DENND1A: variants seen among roughly 807,000 people sequenced by gnomAD.
DENND1A encodes the protein DENN domain containing 1A.
Under a neutral mutation model 113.7 loss-of-function variants are expected in DENND1A, and 51 were observed. That is an observed-to-expected ratio of 0.45 (90% confidence interval 0.36 to 0.57). The LOEUF is 0.57. Among genes scored for constraint, DENND1A ranks in the 20% least tolerant of loss-of-function variants. The probability of loss-of-function intolerance (pLI) is 0.00; values close to 1 mark genes in which losing one functional copy is unlikely to be tolerated. For synonymous variants in DENND1A, 565 were observed against 570.8 expected, an observed-to-expected ratio of 0.99 and a Z score of 0.14; for missense variants, 1,258 against 1,395.9, an observed-to-expected ratio of 0.90 and a Z score of 1.57.
At position 123,835,112 on chromosome 9, in the gene DENND1A, A is replaced by G. The variant is rs112109331; in HGVS notation, c.89-42482T>C. ...TCTAAAATAACTTGCTTTAGAGGGGAAAAAAAAAAAAAAAAGCAAATGTCT... is the reference window on the plus strand; with the variant it reads ...TCTAAAATAACTTGCTTTAGAGGGGGAAAAAAAAAAAAAAAGCAAATGTCT... On this transcript the variant is annotated intron_variant, in intron 2 of 23. Transcript: ENST00000394215. 7.8e-4 allele frequency among the ~76,000 whole-genome samples: 99 copies of G among 127,394 alleles called. 1 individual carries two copies. The highest frequency in any genetic ancestry group is 1.7e-3 in the Admixed American group (21 of 12,502). The allele number at this position is 127,394 out of a possible 152,430, so 83.6% of individuals were successfully genotyped here.
intron 13 of DENND1A, among the ~76,000 whole-genome samples, chr9:123,477,838 G>C (rs188179614): frequency 7.9e-5 from 12 of 152,142 alleles, no homozygotes; most frequent in Admixed American, 5.2e-4. Context: ...AATCCTGCTC[G>C]GGGACTGCCT....
At chr9:123,599,352 T>C (rs2059842054) in intron 11 of DENND1A, among the ~76,000 whole-genome samples, 2 of 152,274 alleles carry the variant, frequency 1.3e-5, no homozygotes, top group South Asian at 4.1e-4. Flanking sequence ...GAGTAGTGTG[T>C]GGAGAAATTA....
At chr9:123,536,981 A>G (rs1237286905) in intron 13 of DENND1A, among the ~76,000 whole-genome samples, 1 of 152,220 alleles carries the variant, frequency 6.6e-6, no homozygotes, top group African/African-American at 2.4e-5. Flanking sequence ...CTGAGATCAA[A>G]TCCCACATAA....
At chr9:123,907,576 T>C (rs1236450609) in intron 1 of DENND1A, among the ~76,000 whole-genome samples, 5 of 141,924 alleles carry the variant, frequency 3.5e-5, no homozygotes, top group African/African-American at 7.9e-5. Flanking sequence ...AGCCAAATCA[T>C]GAGTGAACTC....
intron 13 of DENND1A, among the ~76,000 whole-genome samples, chr9:123,530,002 TAATACTA>T: frequency 6.6e-6 from 1 of 152,270 alleles, no homozygotes; most frequent in East Asian, 1.9e-4. Context: ...TTCTGAAAGA[TAATACTA>T]AAGAGTTCGC....
At chr9:123,746,645 G>C (rs1283148651) in intron 5 of DENND1A, among the ~76,000 whole-genome samples, 1 of 152,146 alleles carries the variant, frequency 6.6e-6, no homozygotes, top group African/African-American at 2.4e-5. Flanking sequence ...TGGATGTTCA[G>C]ATTAGGGATA....
chr9:123,486,444 A>C (rs1276726890), intron 13 of DENND1A, among the ~76,000 whole-genome samples: 1 of 151,984 alleles, frequency 6.6e-6, no homozygotes, highest in Admixed American at 6.5e-5. Flanking sequence ...CAGCCCTGGA[A>C]TCTTTCTGCC....
At chr9:123,519,351 C>T (rs2134933675) in intron 13 of DENND1A, among the ~76,000 whole-genome samples, 1 of 152,324 alleles carries the variant, frequency 6.6e-6, no homozygotes, top group Non-Finnish European at 1.5e-5. Context: ...CTAACAGAAC[C>T]CCCAATTTGT....
At chr9:123,583,564 T>G (rs1326743760) in intron 11 of DENND1A, among the ~76,000 whole-genome samples, 1 of 152,146 alleles carries the variant, frequency 6.6e-6, no homozygotes, top group Non-Finnish European at 1.5e-5. Flanking sequence ...TTACACCCCA[T>G]CATCATTTTT....
intron 18 of DENND1A, among the ~76,000 whole-genome samples, chr9:123,448,430 A>G (rs2047466283): frequency 6.6e-6 from 1 of 152,170 alleles, no homozygotes; most frequent in Admixed American, 6.5e-5. Flanking sequence ...CTGACCAATG[A>G]GGGCGCATGG....
intron 5 of DENND1A, among the ~76,000 whole-genome samples, chr9:123,733,457 T>C (rs903674366): frequency 6.6e-6 from 1 of 152,100 alleles, no homozygotes; most frequent in African/African-American, 2.4e-5. Flanking sequence ...TTTTTATATT[T>C]TTTATTTTTA....
At chr9:123,827,144 T>C (rs1839451773) in intron 2 of DENND1A, among the ~76,000 whole-genome samples, 1 of 152,132 alleles carries the variant, frequency 6.6e-6, no homozygotes, top group Non-Finnish European at 1.5e-5. Flanking sequence ...TAGTTATTCA[T>C]GCATATAAAA....
At chr9:123,909,667 C>A (rs1180262830) in intron 1 of DENND1A, among the ~76,000 whole-genome samples, 1 of 151,824 alleles carries the variant, frequency 6.6e-6, no homozygotes, top group Non-Finnish European at 1.5e-5. Flanking sequence ...CTCAGATGAA[C>A]CTATTCATCA....
chr9:123,636,328 T>G (rs1443121647), intron 9 of DENND1A, among the ~76,000 whole-genome samples: 3 of 152,102 alleles, frequency 2.0e-5, no homozygotes, highest in African/African-American at 7.2e-5. Context: ...CCTCTTTTTT[T>G]TTTTTTGAGA....
intron 5 of DENND1A, among the ~76,000 whole-genome samples, chr9:123,716,732 TCTC>T (rs748656681): frequency 3.3e-4 from 50 of 152,308 alleles, no homozygotes; most frequent in Non-Finnish European, 6.6e-4. Flanking sequence ...CTTTGTGACT[TCTC>T]CTAACTCACA....
At chr9:123,878,874 T>G (rs1488262381) in intron 2 of DENND1A, 77 bp downstream of exon 2, 1 of 1,420,590 alleles carries the variant, frequency 7.0e-7, no homozygotes, top group Non-Finnish European at 9.9e-7. Flanking sequence ...TTTACTCATA[T>G]TCACATATTA....
chr9:123,448,001 G>T (rs1346388671), intron 18 of DENND1A, among the ~76,000 whole-genome samples: 3 of 152,156 alleles, frequency 2.0e-5, no homozygotes, highest in Non-Finnish European at 2.9e-5. Flanking sequence ...CGACCGAAGG[G>T]GGGAAAAGTG....
At chr9:123,598,866 A>T (rs1019122086) in intron 11 of DENND1A, among the ~76,000 whole-genome samples, 9 of 152,222 alleles carry the variant, frequency 5.9e-5, no homozygotes, top group Admixed American at 1.3e-4. Flanking sequence ...ACTCCTAGGC[A>T]CCAAGGTTTA....
chr9:123,677,735 C>G (rs1265603279), intron 5 of DENND1A, among the ~76,000 whole-genome samples: 1 of 152,200 alleles, frequency 6.6e-6, no homozygotes, highest in African/African-American at 2.4e-5. Context: ...GGCCACGGCT[C>G]TTAGAATGGT....
Sources: gnomAD v4.1 joint callset for allele counts (sites outside exome capture counted in the v4.1 genomes callset) on GRCh38, gnomAD v4.1.1 for gene constraint, MANE v1.5 for transcripts, NCBI Gene and HGNC (gene_info 2026-07-23, HGNC 2026-07-21) for gene names.